The following PTPRA variants were observed in gnomAD, a reference collection of about 807,000 sequenced individuals.
PTPRA encodes protein tyrosine phosphatase receptor type A, also known as receptor-type tyrosine-protein phosphatase alpha.
PTPRA carries 25 observed loss-of-function variants against 104.8 expected under a neutral mutation model. That is an observed-to-expected ratio of 0.24 (90% confidence interval 0.17 to 0.33). PTPRA has a LOEUF of 0.33. Among genes scored for constraint, PTPRA ranks in the 10% least tolerant of loss-of-function variants. PTPRA has a pLI of 1.00. For synonymous variants in PTPRA, 323 were observed against 368.9 expected (o/e 0.88, Z 1.43); for missense variants, 765 against 1,015.3 (o/e 0.75, Z 3.35).
intron 6 of PTPRA, among the ~76,000 whole-genome samples, chr20:2,982,358 A>G (rs569899231): frequency 6.6e-6 from 1 of 152,260 alleles, no homozygotes; most frequent in African/African-American, 2.4e-5. Context: ...AAGTGCTGGG[A>G]TGTGCCTAAT....
intron 3 of PTPRA, among the ~76,000 whole-genome samples, chr20:2,959,679 G>A (rs922779612): frequency 4.6e-5 from 7 of 152,070 alleles, no homozygotes; most frequent in Admixed American, 2.6e-4. Context: ...CCGGCCAGGC[G>A]CGGTGGCTCA....
chr20:2,968,155 G>A (rs1325236636), intron 5 of PTPRA, among the ~76,000 whole-genome samples: 2 of 152,144 alleles, frequency 1.3e-5, no homozygotes, highest in African/African-American at 4.8e-5. Context: ...CCTGAGAAAA[G>A]GGGTCCATGG....
upstream of PTPRA, among the ~76,000 whole-genome samples, chr20:2,872,523 C>T (rs942168064): frequency 6.6e-5 from 10 of 152,382 alleles, no homozygotes; most frequent in Non-Finnish European, 1.0e-4. The surrounding 1 kb of genome is among the most constrained non-coding windows in gnomAD (Gnocchi z 7.9). Context: ...GCGCGGGTCT[C>T]GGAATGTCCA....
intron 2 of PTPRA, among the ~76,000 whole-genome samples, chr20:2,935,724 GT>G (rs2060673613): frequency 6.6e-6 from 1 of 152,146 alleles, no homozygotes; most frequent in South Asian, 2.1e-4. Context: ...TTTAAAAATT[GT>G]TTGTAGAGTC....
chr20:2,888,173 C>A (rs1389784147), intron 1 of PTPRA, among the ~76,000 whole-genome samples: 1 of 152,132 alleles, frequency 6.6e-6, no homozygotes, highest in Non-Finnish European at 1.5e-5. Flanking sequence ...TATTTCATGC[C>A]CAGTGAGCAG....
At chr20:2,925,392 A>G (rs1473969272) in intron 2 of PTPRA, among the ~76,000 whole-genome samples, 1 of 152,240 alleles carries the variant, frequency 6.6e-6, no homozygotes, top group Non-Finnish European at 1.5e-5. Context: ...AGCATATATC[A>G]GAATTTACAT....
intron 2 of PTPRA, among the ~76,000 whole-genome samples, chr20:2,936,694 A>G (rs1180027134): frequency 6.6e-6 from 1 of 152,048 alleles, no homozygotes; most frequent in Non-Finnish European, 1.5e-5. Flanking sequence ...GCTGGTCTCG[A>G]AGTCTTGGGC....
intron 1 of PTPRA, among the ~76,000 whole-genome samples, chr20:2,881,673 G>A (rs2090058623): frequency 6.6e-6 from 1 of 152,122 alleles, no homozygotes; most frequent in Non-Finnish European, 1.5e-5. Flanking sequence ...GAACCACCAT[G>A]CCTGGCCAGT....
Position 3,021,930 on chromosome 20 carries a change from C to CT in PTPRA, c.1162-123dup, listed in dbSNP as rs2064890237. On this transcript the variant is annotated intron_variant, in intron 14 of 23. Transcript: ENST00000399903. ...TGTGAGACCTTGTGTCTGTGGTTAA[C>CT]TAACTCCCCTGGGTACACTTACTTT... 6.0e-5 allele frequency: 76 copies of CT among 1,262,610 alleles called. No homozygotes were observed. In the South Asian group the frequency reaches 1.1e-3, roughly 18 times the overall value. 78.2% of individuals were successfully genotyped at this position (1,262,610 alleles called of 1,614,324 possible). A position where few individuals can be genotyped will look rare whatever the true frequency, so the allele number is the denominator to read the frequency against.
intron 2 of PTPRA, among the ~76,000 whole-genome samples, chr20:2,929,640 C>G (rs980644205): frequency 6.6e-6 from 1 of 151,902 alleles, no homozygotes; most frequent in African/African-American, 2.4e-5. Flanking sequence ...GCCTGGGAAA[C>G]ATGGGGAGAT....
intron 1 of PTPRA, among the ~76,000 whole-genome samples, chr20:2,881,031 G>A (rs898798858): frequency 5.3e-5 from 8 of 151,366 alleles, no homozygotes; most frequent in Non-Finnish European, 7.4e-5. Flanking sequence ...GAGGAGGACC[G>A]GGCATAGTGG....
At chr20:2,903,156 T>C (rs1472468596) in intron 1 of PTPRA, among the ~76,000 whole-genome samples, 2 of 152,202 alleles carry the variant, frequency 1.3e-5, no homozygotes, top group Non-Finnish European at 2.9e-5. Flanking sequence ...GGATTTCGGA[T>C]TTTTGGGTTA....
intron 3 of PTPRA, among the ~76,000 whole-genome samples, chr20:2,953,785 T>G (rs1284947931): frequency 6.6e-6 from 1 of 151,672 alleles, no homozygotes; most frequent in South Asian, 2.1e-4. Flanking sequence ...TTTTTGTATT[T>G]TTAGTAGAGA....
rs2065883998 is a variant in PTPRA, at chr20:3,037,924, A to G, written c.2335-135A>G. On this transcript the variant is annotated intron_variant, in intron 23 of 23. Coordinates refer to ENST00000399903, the MANE Select transcript of PTPRA (RefSeq NM_001385305.1). The surrounding 1 kb of genome is among the most constrained non-coding windows in gnomAD (Gnocchi z 4.3). ...GTCAGAACTCTGGCAGGCAGATCAGAGCTCAGGTGAAAGTTCAAAAACATT... is the reference window on the plus strand; with the variant it reads ...GTCAGAACTCTGGCAGGCAGATCAGGGCTCAGGTGAAAGTTCAAAAACATT... 8.3e-6 allele frequency: 6 copies of G among 726,542 alleles called. No individual in the cohort carries two copies. The East Asian group carries it at 1.6e-4, about 19-fold the overall frequency. 45.0% of individuals were successfully genotyped at this position (726,542 alleles called of 1,614,324 possible). A position where few individuals can be genotyped will look rare whatever the true frequency, so the allele number is the denominator to read the frequency against.
chr20:3,037,100 C>CCCCT lies in PTPRA; in HGVS notation c.2199-53_2199-50dup, dbSNP rs2065836937. ...TCTGCCACTCACCACTGTCACTCAC[C>CCCCT]CCCTTGCACAGAGGGCCATCACAGG... On this transcript the variant is annotated intron_variant, in intron 22 of 23. Transcript: ENST00000399903. This position sits in a 1 kb window ranked among gnomAD's most constrained non-coding sequence, Gnocchi z 4.3. 1 of 1,587,974 alleles carries CCCCT rather than the reference C, an allele frequency of 6.3e-7. No individual in the cohort carries two copies. Among genetic ancestry groups the CCCCT allele is most frequent in the East Asian group, 2.2e-5 (1 of 44,462 alleles).
At chr20:2,923,169 G>A in intron 1 of PTPRA, 38 bp from the exon 2 acceptor site, 2 of 918,436 alleles carry the variant, frequency 2.2e-6, no homozygotes, top group Admixed American at 2.9e-5. Context: ...GCTCAGGGAT[G>A]TTGTATATTT....
chr20:2,995,220 C>G (rs1202077516), intron 9 of PTPRA, among the ~76,000 whole-genome samples: 1 of 152,210 alleles, frequency 6.6e-6, no homozygotes, highest in African/African-American at 2.4e-5. Flanking sequence ...TTGTTCCTAT[C>G]ATTTGTAATG....
At chr20:2,865,328 G>T in the PTPRA span, 4,146 of 1,614,122 alleles carry the variant, frequency 2.6e-3, 8 homozygotes, top group Non-Finnish European at 3.3e-3. This position sits in a 1 kb window ranked among gnomAD's most constrained non-coding sequence, Gnocchi z 5.2. Context: ...GTAGGTGAGG[G>T]CCCAGGCTGC....
At chr20:2,967,272 C>T (rs1401116364) in intron 5 of PTPRA, among the ~76,000 whole-genome samples, 3 of 152,108 alleles carry the variant, frequency 2.0e-5, no homozygotes, top group Non-Finnish European at 2.9e-5. Context: ...ACACAGTTCA[C>T]GTCATAGGAG....
Sources: gnomAD v4.1 joint callset for allele counts (sites outside exome capture counted in the v4.1 genomes callset) on GRCh38, gnomAD v4.1.1 for gene constraint, Gnocchi (gnomAD v3.1) non-coding constraint, MANE v1.5 for transcripts, NCBI Gene and HGNC (gene_info 2026-07-23, HGNC 2026-07-21) for gene names.